The following GUCY1A2 variants were observed in gnomAD, a reference collection of about 807,000 sequenced individuals.
The protein encoded by GUCY1A2 is guanylate cyclase 1 soluble subunit alpha 2, also known as guanylate cyclase soluble subunit alpha-2.
Under a neutral mutation model 63.5 loss-of-function variants are expected in GUCY1A2, and 27 were observed. That is an observed-to-expected ratio of 0.43 (90% CI 0.31 to 0.59). The LOEUF (loss-of-function observed/expected upper bound fraction) is 0.59. Ranked by LOEUF, GUCY1A2 falls within the 20% of genes least tolerant of loss-of-function variation. GUCY1A2 has a pLI of 0.11. For missense variants in GUCY1A2, 768 were observed against 913.3 expected (o/e 0.84, Z 2.05); for synonymous variants, 364 against 343.5 (o/e 1.06, Z -0.66).
chr11:106,720,882 G>T (rs894051151), intron 6 of GUCY1A2, among the ~76,000 whole-genome samples: 1 of 152,094 alleles, frequency 6.6e-6, no homozygotes, highest in African/African-American at 2.4e-5. Flanking sequence ...TATTGATACT[G>T]GTTTGTTAAT....
At chr11:106,853,777 T>C (rs1324379084) in intron 4 of GUCY1A2, among the ~76,000 whole-genome samples, 2 of 152,224 alleles carry the variant, frequency 1.3e-5, no homozygotes, top group African/African-American at 2.4e-5. Flanking sequence ...TGTTCCAATT[T>C]TATGGACTGG....
intron 4 of GUCY1A2, among the ~76,000 whole-genome samples, chr11:106,934,567 G>T (rs1335391192): frequency 6.6e-6 from 1 of 152,136 alleles, no homozygotes; most frequent in Admixed American, 6.5e-5. Flanking sequence ...TCTGAAAACT[G>T]ATTTGGCCAC....
chr11:106,992,700 A>T (rs1184300779), intron 1 of GUCY1A2, among the ~76,000 whole-genome samples: 1 of 152,178 alleles, frequency 6.6e-6, no homozygotes, highest in Non-Finnish European at 1.5e-5. Context: ...AAAATTACAA[A>T]ATCACGTGTA....
chr11:106,865,286 CTTCT>C (rs1859576046), intron 4 of GUCY1A2, among the ~76,000 whole-genome samples: 1 of 151,930 alleles, frequency 6.6e-6, no homozygotes, highest in Non-Finnish European at 1.5e-5. Flanking sequence ...TCTCTCTTTT[CTTCT>C]TTATTAGTCT....
intron 4 of GUCY1A2, among the ~76,000 whole-genome samples, chr11:106,899,081 T>C (rs966937262): frequency 9.2e-5 from 14 of 152,184 alleles, no homozygotes; most frequent in East Asian, 3.8e-4. Flanking sequence ...TGACTGTATG[T>C]AAATTATACC....
intron 3 of GUCY1A2, among the ~76,000 whole-genome samples, chr11:106,954,529 T>A (rs1209148531): frequency 1.3e-5 from 2 of 152,212 alleles, no homozygotes; most frequent in Non-Finnish European, 2.9e-5. Context: ...TAGGTCCACG[T>A]GATCCAGAGC....
At chr11:106,900,102 AAC>A (rs1451152348) in intron 4 of GUCY1A2, among the ~76,000 whole-genome samples, 70 of 152,056 alleles carry the variant, frequency 4.6e-4, no homozygotes, top group Admixed American at 1.6e-3. Context: ...AAAAAAAAAA[AAC>A]AATCTATAAT....
At chr11:106,995,792 C>T (rs1285021088) in intron 1 of GUCY1A2, among the ~76,000 whole-genome samples, 1 of 152,172 alleles carries the variant, frequency 6.6e-6, no homozygotes, top group Admixed American at 6.5e-5. Context: ...CCAAAGATGC[C>T]AATTAGTAAA....
chr11:106,877,008 A>T (rs1315848053), intron 4 of GUCY1A2, among the ~76,000 whole-genome samples: 1 of 152,088 alleles, frequency 6.6e-6, no homozygotes, highest in Non-Finnish European at 1.5e-5. Context: ...CAGGGTCCTT[A>T]TAAGAACGAA....
chr11:106,961,605 G>T (rs1387897859), intron 3 of GUCY1A2, among the ~76,000 whole-genome samples: 1 of 152,174 alleles, frequency 6.6e-6, no homozygotes, highest in Non-Finnish European at 1.5e-5. Flanking sequence ...ATTCACACAT[G>T]ATGAAAGATG....
intron 4 of GUCY1A2, among the ~76,000 whole-genome samples, chr11:106,907,333 C>T (rs1234111958): frequency 6.6e-6 from 1 of 152,016 alleles, no homozygotes; most frequent in South Asian, 2.1e-4. Context: ...TCTCTGATGT[C>T]TTTTTTTAGG....
intron 1 of GUCY1A2, among the ~76,000 whole-genome samples, chr11:107,015,642 C>A (rs1003227647): frequency 7.8e-6 from 1 of 128,632 alleles, no homozygotes; most frequent in Non-Finnish European, 1.6e-5. Flanking sequence ...TAATCATTAT[C>A]TTTAGCAAAA....
intron 7 of GUCY1A2, among the ~76,000 whole-genome samples, chr11:106,688,638 A>T (rs1187543623): frequency 6.6e-6 from 1 of 152,218 alleles, no homozygotes; most frequent in Non-Finnish European, 1.5e-5. Context: ...AAAAAAACCC[A>T]ATAAATGAAC....
At chr11:106,804,390 T>A (rs1221109411) in intron 5 of GUCY1A2, among the ~76,000 whole-genome samples, 1 of 152,184 alleles carries the variant, frequency 6.6e-6, no homozygotes, top group Non-Finnish European at 1.5e-5. Context: ...CAGTTACTCT[T>A]TACTAAATGG....
At chr11:106,730,096 T>TATATATATATATA (rs1565271769) in intron 6 of GUCY1A2, among the ~76,000 whole-genome samples, 2 of 96,092 alleles carry the variant, frequency 2.1e-5, no homozygotes, top group Non-Finnish European at 4.6e-5. Context: ...ATATATATAT[T>TATATATATATATA]ATAGTATATA....
At chr11:107,014,015 CT>C (rs1485697261) in intron 1 of GUCY1A2, among the ~76,000 whole-genome samples, 1 of 149,810 alleles carries the variant, frequency 6.7e-6, no homozygotes, top group Non-Finnish European at 1.5e-5. Flanking sequence ...TTTGGTGCCC[CT>C]ATCTTAAAAA....
intron 4 of GUCY1A2, among the ~76,000 whole-genome samples, chr11:106,869,512 C>T (rs1859643523): frequency 6.6e-6 from 1 of 152,202 alleles, no homozygotes. Flanking sequence ...AAAAAATGCT[C>T]ATCATCACTG....
intron 7 of GUCY1A2, among the ~76,000 whole-genome samples, chr11:106,693,637 T>G (rs1862666065): frequency 6.6e-6 from 1 of 152,192 alleles, no homozygotes; most frequent in South Asian, 2.1e-4. Flanking sequence ...CCTGGTAAAT[T>G]AATCTTCTAA....
Position 106,940,111 on chromosome 11 carries a change from A to T in GUCY1A2, c.555T>A (p.Asn185Lys). ...CACCTACAGCTCGAAGGACTCTCTC[A>T]TTCTCATGAAAGCATATATTAAAGA... Reference protein sequence around the residue: ...EEFFNICFHENERVLRAVGGT... With the variant: ...EEFFNICFHEKERVLRAVGGT... Residue 185 changes from asparagine to lysine, a missense_variant, in exon 4 of 8, where the codon AAT becomes AAA. By Grantham distance (94) the Asn-to-Lys change is moderately conservative (BLOSUM62 0). Transcript: ENST00000526355. The T allele has an allele frequency of 6.2e-7, 1 of 1,613,032 alleles. No individual in the cohort carries two copies. Among genetic ancestry groups the T allele is most frequent in the Non-Finnish European group, 8.5e-7 (1 of 1,179,070 alleles).
Sources: gnomAD v4.1 joint callset for allele counts (sites outside exome capture counted in the v4.1 genomes callset) on GRCh38, gnomAD v4.1.1 for gene constraint, MANE v1.5 for transcripts, NCBI Gene and HGNC (gene_info 2026-07-23, HGNC 2026-07-21) for gene names.